Variants in ZSCAN1 observed in about 807,000 individuals in gnomAD.
ZSCAN1 encodes zinc finger and SCAN domain-containing protein 1.
In ZSCAN1, 23 loss-of-function variants were observed where a neutral mutation model predicts 23.8. The ratio of observed to expected loss-of-function variants is 0.97; its 90% CI spans 0.70 to 1.37. The LOEUF (loss-of-function observed/expected upper bound fraction) is 1.37, where lower values mean the gene tolerates loss of function less well. Ranked by LOEUF, ZSCAN1 falls within the 40% of genes most tolerant of loss-of-function variation. ZSCAN1 has a pLI of 0.00. For synonymous variants in ZSCAN1, 236 were observed against 232.3 expected, an observed-to-expected ratio of 1.02 and a Z score of -0.15; for missense variants, 575 against 554.0, an observed-to-expected ratio of 1.04 and a Z score of -0.38.
chr19:58,046,550 T>C (rs1310050194), intron 4 of ZSCAN1: 1 of 907,912 alleles, frequency 1.1e-6, no homozygotes, highest in South Asian at 1.3e-5. Context: ...GTCAAGCACA[T>C]TCCCAAAAGC....
Position 58,037,775 on chromosome 19 carries a change from A to G in ZSCAN1, c.-62A>G, listed in dbSNP as rs1335608559. On this transcript the variant is annotated 5_prime_UTR_variant, in exon 3 of 6. Coordinates refer to ENST00000282326, the MANE Select transcript of ZSCAN1 (RefSeq NM_182572.4). The stretch of plus-strand genomic sequence containing the variant: ...CGCCTGCCACACCGGCTCTGTCCGG[A>G]GCCACTGGGACTCGGGATCCAGTCC... The G allele has an allele frequency of 2.8e-6, 4 of 1,431,370 alleles. No individual in the cohort carries two copies. The highest frequency in any genetic ancestry group is 5.0e-5 in the East Asian group (2 of 39,726). The allele number at this position is 1,431,370 out of a possible 1,614,324, so 88.7% of individuals were successfully genotyped here. A position where few individuals can be genotyped will look rare whatever the true frequency, so the allele number is the denominator to read the frequency against.
In ZSCAN1 at chr19:58,054,038, A is replaced by AC. The variant is rs2073877106; in HGVS notation, c.1215dup (p.Gly406ArgfsTer16). 1 of 1,520,458 alleles carries AC rather than the reference A, an allele frequency of 6.6e-7. No individual in the cohort carries two copies. The highest frequency in any genetic ancestry group is 1.4e-5 in the African/African-American group (1 of 72,028). The allele number at this position is 1,520,458 out of a possible 1,614,324, so 94.2% of individuals were successfully genotyped here. On this transcript the variant is annotated frameshift_variant, in exon 6 of 6. Transcript: ENST00000282326. LOFTEE classifies it high-confidence loss of function. The surrounding 1 kb of genome is among the most constrained non-coding windows in gnomAD (Gnocchi z 4.2). ...GACCACCAGAAGCTCCACACGGCCCACGGCCACATGTGAATGGCCAGCCTC... is the reference window on the plus strand; with the variant it reads ...GACCACCAGAAGCTCCACACGGCCCACCGGCCACATGTGAATGGCCAGCCTC...
downstream of ZSCAN1, among the ~76,000 whole-genome samples, chr19:58,055,752 A>G (rs2073886408): frequency 6.6e-6 from 1 of 152,142 alleles, no homozygotes; most frequent in Non-Finnish European, 1.5e-5. Context: ...TGGAGGCACA[A>G]TCACAGCTCA....
intron 4 of ZSCAN1, among the ~76,000 whole-genome samples, chr19:58,048,802 T>C (rs1303496236): frequency 6.6e-6 from 1 of 152,150 alleles, no homozygotes; most frequent in Non-Finnish European, 1.5e-5. Flanking sequence ...TCACCCAGAC[T>C]GGAGTGCAGT....
Position 58,053,363 on chromosome 19 carries a change from G to C in ZSCAN1, c.605-66G>C. ...TCACTGGGGTCCTCCGTGCCCCTGGGGAGCACAGGGAGATGCCAAGGCCAT... is the reference window on the plus strand; with the variant it reads ...TCACTGGGGTCCTCCGTGCCCCTGGCGAGCACAGGGAGATGCCAAGGCCAT... On this transcript the variant is annotated intron_variant, in intron 5 of 5. Coordinates refer to ENST00000282326, the MANE Select transcript of ZSCAN1 (RefSeq NM_182572.4). This position sits in a 1 kb window ranked among gnomAD's most constrained non-coding sequence, Gnocchi z 5.8. The C allele has an allele frequency of 6.5e-7, 1 of 1,548,048 alleles. No individual in the cohort carries two copies. Among genetic ancestry groups the C allele is most frequent in the Non-Finnish European group, 8.7e-7 (1 of 1,145,146 alleles).
In ZSCAN1 at chr19:58,038,043, C is replaced by T. The variant is rs780281468; in HGVS notation, c.207C>T (p.Pro69=). Residue 69 remains proline, a synonymous_variant, in exon 3 of 6, where the codon CCC becomes CCT. Transcript: ENST00000282326. ...CGCTGTGCCGCCAGTGGCTGAGGCC[C>T]GAGGCGCGCTCCAAGGAGCAGATGC... is the stretch of plus-strand genomic sequence containing the variant. ...LWTLCRQWLR[P]EARSKEQMLE... 9 of 1,611,764 alleles carry T rather than the reference C, an allele frequency of 5.6e-6. No homozygotes were observed. Among genetic ancestry groups the T allele is most frequent in the South Asian group, 1.1e-5 (1 of 91,028 alleles).
At chr19:58,037,630 G>A in intron 2 of ZSCAN1, 98 bp from the exon 3 acceptor site, 1 of 556,136 alleles carries the variant, frequency 1.8e-6, no homozygotes, top group Non-Finnish European at 2.9e-6. Context: ...TCCTTGGGGT[G>A]CTGGAGGTCA....
chr19:58,046,706 A>G, intron 4 of ZSCAN1: 1 of 835,542 alleles, frequency 1.2e-6, no homozygotes, highest in Non-Finnish European at 2.1e-6. Flanking sequence ...GCAACACTGG[A>G]AAAAGAGGAG....
intron 4 of ZSCAN1, among the ~76,000 whole-genome samples, chr19:58,043,612 C>T (rs2073804737): frequency 6.6e-6 from 1 of 151,872 alleles, no homozygotes; most frequent in Non-Finnish European, 1.5e-5. Flanking sequence ...ATATTTCCTT[C>T]TTCAATATAA....
At chr19:58,037,129 CCTG>C (rs202122591) in intron 2 of ZSCAN1, among the ~76,000 whole-genome samples, 2,153 of 152,282 alleles carry the variant, frequency 0.014, 70 homozygotes, top group African/African-American at 0.049. Flanking sequence ...CATGGGTAGA[CCTG>C]CTGCTGGTGG....
chr19:58,037,105 A>G (rs954198125), intron 2 of ZSCAN1, among the ~76,000 whole-genome samples: 1 of 152,184 alleles, frequency 6.6e-6, no homozygotes, highest in Admixed American at 6.6e-5. Flanking sequence ...TCAGGAAGAC[A>G]GCAAAGATAA....
At position 58,042,684 on chromosome 19, in the gene ZSCAN1, G is replaced by A. The variant is rs367970727; in HGVS notation, c.465+2140G>A. Among the ~76,000 whole-genome samples the A allele has an allele frequency of 1.5e-3, 227 of 152,318 alleles. 1 individual carries two copies. Among genetic ancestry groups the A allele is most frequent in the African/African-American group, 5.0e-3 (208 of 41,576 alleles). ...CAGTTGTTGGCCACGGGCTTCCTCA[G>A]CCGCTGCCGGCAGATGTGCTTATCT... On this transcript the variant is annotated intron_variant, in intron 4 of 5. Transcript: ENST00000282326.
Position 58,040,361 on chromosome 19 carries a change from C to T in ZSCAN1, c.371-89C>T, listed in dbSNP as rs983271637. The T allele has an allele frequency of 1.7e-5, 24 of 1,382,476 alleles. No homozygotes were observed. The highest frequency in any genetic ancestry group is 6.0e-5 in the South Asian group (5 of 83,076). 85.6% of individuals were successfully genotyped at this position (1,382,476 alleles called of 1,614,324 possible). ...GCCTCAGGGGTGCTGCAGGGATGTT[C>T]GGGGAAAGTCTGCCCTCCCCAGAAG... is the stretch of plus-strand genomic sequence containing the variant. On this transcript the variant is annotated intron_variant, in intron 3 of 5. Transcript: ENST00000282326. This position sits in a 1 kb window ranked among gnomAD's most constrained non-coding sequence, Gnocchi z 5.8.
chr19:58,048,333 G>T (rs760711501), intron 4 of ZSCAN1, among the ~76,000 whole-genome samples: 1 of 152,230 alleles, frequency 6.6e-6, no homozygotes, highest in Non-Finnish European at 1.5e-5. Context: ...TATACTAACT[G>T]CCCTGGGGCA....
chr19:58,046,610 T>A, intron 4 of ZSCAN1: 1 of 841,666 alleles, frequency 1.2e-6, no homozygotes, highest in African/African-American at 1.6e-5. Context: ...GATGGCAAGG[T>A]CAACGTCGAC....
rs2073868538 is a variant in ZSCAN1, at chr19:58,053,013, G to A, written c.604+385G>A. ...CTTGCTCTGTTGCCCAGGCTGGAGT[G>A]CAGTGGTGTGATCTTGGCTCATTGC... On this transcript the variant is annotated intron_variant, in intron 5 of 5. Coordinates refer to ENST00000282326, the MANE Select transcript of ZSCAN1 (RefSeq NM_182572.4). The surrounding 1 kb of genome is among the most constrained non-coding windows in gnomAD (Gnocchi z 5.8). 6.6e-6 allele frequency among the ~76,000 whole-genome samples: 1 copy of A among 151,096 alleles called. No individual in the cohort carries two copies. The highest frequency in any genetic ancestry group is 6.6e-5 in the Admixed American group (1 of 15,184).
In ZSCAN1 at chr19:58,053,997, G is replaced by C. The variant is rs1167878733; in HGVS notation, c.1173G>C (p.Trp391Cys). 28 of 1,575,544 alleles carry C rather than the reference G, an allele frequency of 1.8e-5. No individual in the cohort carries two copies. The highest frequency in any genetic ancestry group is 2.3e-5 in the Non-Finnish European group (27 of 1,160,520). ...QCSVCGKAFP[W>C]MVHLIDHQKL... ...GCGTCTGCGGGAAGGCCTTCCCCTG[G>C]ATGGTCCACCTCATTGACCACCAGA... The change falls in exon 6 of 6, where the codon TGG becomes TGC. Residue 391 changes from tryptophan (W) to cysteine (C), a missense_variant. Coordinates refer to ENST00000282326, the MANE Select transcript of ZSCAN1 (RefSeq NM_182572.4). This position sits in a 1 kb window ranked among gnomAD's most constrained non-coding sequence, Gnocchi z 5.8.
chr19:58,043,673 TGA>T (rs2073805100), intron 4 of ZSCAN1, among the ~76,000 whole-genome samples: 3 of 152,000 alleles, frequency 2.0e-5, no homozygotes, highest in African/African-American at 7.2e-5. Flanking sequence ...TTTCTTAGAC[TGA>T]CTCTCACTCT....
At position 58,046,927 on chromosome 19, in the gene ZSCAN1, G is replaced by A. The variant is rs561849281; in HGVS notation, c.466-5563G>A. Among the ~76,000 whole-genome samples, 20 of 152,274 alleles carry A rather than the reference G, an allele frequency of 1.3e-4. No individual in the cohort carries two copies. The East Asian group carries it at 1.3e-3, about 10-fold the overall frequency. On this transcript the variant is annotated intron_variant, in intron 4 of 5. Transcript: ENST00000282326. ...TAAACTGTAATTTTCATCATTCCAC[G>A]GAGCTTCAATCTGTCTGGAGTCCCA...
Sources: allele counts gnomAD v4.1 joint callset (sites outside exome capture counted in the v4.1 genomes callset), GRCh38; gene constraint gnomAD v4.1.1; non-coding constraint Gnocchi (gnomAD v3.1); transcripts MANE v1.5; gene names NCBI Gene and HGNC (gene_info 2026-07-23, HGNC 2026-07-21).